SPIDR: variants seen among roughly 807,000 people sequenced by gnomAD.
The protein encoded by SPIDR is scaffold protein involved in DNA repair.
A neutral mutation model predicts 104.6 loss-of-function variants in SPIDR; 93 were observed. The ratio of observed to expected loss-of-function variants is 0.89; its 90% CI spans 0.75 to 1.06. The LOEUF (loss-of-function observed/expected upper bound fraction) is 1.06, where lower values mean the gene tolerates loss of function less well. Ranked by LOEUF, SPIDR falls within the 50% of genes least tolerant of loss-of-function variation. SPIDR has a pLI of 0.00. For synonymous variants in SPIDR, 431 were observed against 416.9 expected (o/e 1.03, Z -0.41); for missense variants, 1,154 against 1,111.2 (o/e 1.04, Z -0.55).
chr8:47,570,782 TA>T (rs777856152), intron 8 of SPIDR, among the ~76,000 whole-genome samples: 5 of 152,034 alleles, frequency 3.3e-5, no homozygotes, highest in Non-Finnish European at 7.4e-5. Context: ...AGATATACAA[TA>T]AGAGTAATGA....
chr8:47,606,928 C>T (rs1158438067), intron 10 of SPIDR, among the ~76,000 whole-genome samples: 1 of 152,170 alleles, frequency 6.6e-6, no homozygotes, highest in Non-Finnish European at 1.5e-5. Context: ...TGCCTGTCTA[C>T]AGTTAAAGAG....
chr8:47,298,280 C>A (rs2041295234), intron 5 of SPIDR, among the ~76,000 whole-genome samples: 1 of 152,136 alleles, frequency 6.6e-6, no homozygotes, highest in African/African-American at 2.4e-5. Flanking sequence ...CTGTTCATAT[C>A]CTTTGCCCAC....
intron 8 of SPIDR, among the ~76,000 whole-genome samples, chr8:47,573,530 G>A (rs945976227): frequency 7.2e-5 from 11 of 152,148 alleles, no homozygotes; most frequent in East Asian, 1.9e-4. Context: ...ACATGATGTC[G>A]GAGACCAGGG....
intron 8 of SPIDR, among the ~76,000 whole-genome samples, chr8:47,559,089 A>G (rs2056742628): frequency 6.6e-6 from 1 of 152,188 alleles, no homozygotes; most frequent in Admixed American, 6.5e-5. Context: ...TCTTCGAAGA[A>G]TGTTTGCTCT....
chr8:47,549,340 G>A (rs182769220), intron 8 of SPIDR, among the ~76,000 whole-genome samples: 26 of 152,244 alleles, frequency 1.7e-4, no homozygotes, highest in Admixed American at 2.6e-4. Context: ...TAGAGGAGTC[G>A]TCACACTCTC....
intron 8 of SPIDR, among the ~76,000 whole-genome samples, chr8:47,469,556 G>A (rs1345416798): frequency 4.6e-5 from 7 of 152,006 alleles, no homozygotes; most frequent in African/African-American, 1.7e-4. Context: ...AAAAAATGAG[G>A]TCGTGATTTT....
At chr8:47,632,422 C>A (rs2067204346) in intron 10 of SPIDR, among the ~76,000 whole-genome samples, 1 of 152,038 alleles carries the variant, frequency 6.6e-6, no homozygotes, top group African/African-American at 2.4e-5. Context: ...CAGCCTGGTT[C>A]ATTAGTATTT....
chr8:47,476,259 C>T (rs1554723726), intron 8 of SPIDR, among the ~76,000 whole-genome samples: 1 of 152,124 alleles, frequency 6.6e-6, no homozygotes, highest in Non-Finnish European at 1.5e-5. Context: ...TACTGGAGGG[C>T]AGAGTTATAA....
At chr8:47,496,399 A>G (rs1380127015) in intron 8 of SPIDR, among the ~76,000 whole-genome samples, 5 of 152,188 alleles carry the variant, frequency 3.3e-5, no homozygotes, top group Admixed American at 1.3e-4. Flanking sequence ...GAGTGTTTTC[A>G]TCATGAACAT....
chr8:47,381,382 G>A (rs568026783), intron 5 of SPIDR, among the ~76,000 whole-genome samples: 1 of 152,182 alleles, frequency 6.6e-6, no homozygotes. Context: ...ACTTGCCATG[G>A]TGTATCTTCT....
At chr8:47,551,559 G>A (rs1397686649) in intron 8 of SPIDR, among the ~76,000 whole-genome samples, 1 of 152,186 alleles carries the variant, frequency 6.6e-6, no homozygotes. Context: ...TATTTGTGTA[G>A]AGGTGTTTAT....
chr8:47,356,809 A>G (rs1486805838), intron 5 of SPIDR, among the ~76,000 whole-genome samples: 1 of 152,164 alleles, frequency 6.6e-6, no homozygotes, highest in Non-Finnish European at 1.5e-5. Context: ...AAAAATTTGG[A>G]TACTGAACTT....
chr8:47,731,081 C>CA (rs1005510526), intron 19 of SPIDR, among the ~76,000 whole-genome samples: 8 of 151,956 alleles, frequency 5.3e-5, no homozygotes, highest in African/African-American at 1.9e-4. Context: ...AACATGGTGA[C>CA]ACCCCATCTC....
intron 8 of SPIDR, among the ~76,000 whole-genome samples, chr8:47,496,892 T>TATTCAG (rs1365262698): frequency 6.6e-6 from 1 of 152,096 alleles, no homozygotes; most frequent in Non-Finnish European, 1.5e-5. Context: ...GTAATAGATT[T>TATTCAG]ATTCAGATTT....
At chr8:47,554,886 C>T (rs965363141) in intron 8 of SPIDR, among the ~76,000 whole-genome samples, 2 of 152,206 alleles carry the variant, frequency 1.3e-5, no homozygotes, top group African/African-American at 4.8e-5. Context: ...AACCTCCTCT[C>T]TTCTTTGTGT....
At chr8:47,590,139 A>G (rs2060819560) in intron 8 of SPIDR, among the ~76,000 whole-genome samples, 1 of 150,752 alleles carries the variant, frequency 6.6e-6, no homozygotes, top group Non-Finnish European at 1.5e-5. Flanking sequence ...GTGCCACTGC[A>G]CTCCAGCCCA....
chr8:47,401,131 G>A (rs186272099), intron 6 of SPIDR, among the ~76,000 whole-genome samples: 28 of 152,272 alleles, frequency 1.8e-4, no homozygotes, highest in African/African-American at 6.5e-4. Flanking sequence ...GACTAACAGA[G>A]AATCTCTCGG....
At chr8:47,523,720 A>T (rs1319103722) in intron 8 of SPIDR, among the ~76,000 whole-genome samples, 3 of 152,176 alleles carry the variant, frequency 2.0e-5, no homozygotes, top group Non-Finnish European at 4.4e-5. Context: ...GGGGCCTCAC[A>T]GATTTTTGTT....
chr8:47,325,728 G>T (rs1468699341), intron 5 of SPIDR, among the ~76,000 whole-genome samples: 1 of 152,152 alleles, frequency 6.6e-6, no homozygotes, highest in African/African-American at 2.4e-5. Context: ...TGAGATTTGT[G>T]CTCTTTCTTT....
Sources: allele counts gnomAD v4.1 joint callset (sites outside exome capture counted in the v4.1 genomes callset), GRCh38; gene constraint gnomAD v4.1.1; transcripts MANE v1.5; gene names NCBI Gene and HGNC (gene_info 2026-07-23, HGNC 2026-07-21).